SLC7A6: variants seen among roughly 807,000 people sequenced by gnomAD.
SLC7A6 encodes the protein Y+L amino acid transporter 2.
A neutral mutation model predicts 46.6 loss-of-function variants in SLC7A6; 29 were observed. The observed-to-expected ratio is 0.62, with a 90% confidence interval of 0.46 to 0.85. The LOEUF (loss-of-function observed/expected upper bound fraction) is 0.85. Ranked by LOEUF, SLC7A6 falls within the 40% of genes least tolerant of loss-of-function variation. The probability of loss-of-function intolerance (pLI) is 0.00; values close to 1 mark genes in which losing one functional copy is unlikely to be tolerated. For synonymous variants in SLC7A6, 276 were observed against 257.3 expected, an observed-to-expected ratio of 1.07 and a Z score of -0.70; for missense variants, 527 against 647.6, an observed-to-expected ratio of 0.81 and a Z score of 2.02.
chr16:68,286,239 T>C (rs1381937113), intron 3 of SLC7A6, among the ~76,000 whole-genome samples: 1 of 151,810 alleles, frequency 6.6e-6, no homozygotes, highest in East Asian at 1.9e-4. Flanking sequence ...GATGATAGCA[T>C]AGACACTAAC....
intron 3 of SLC7A6, among the ~76,000 whole-genome samples, chr16:68,280,529 T>C (rs1206832145): frequency 7.2e-5 from 11 of 152,106 alleles, no homozygotes; most frequent in African/African-American, 4.8e-5. Context: ...TCAGGCATCA[T>C]TGGACCCAAA....
Position 68,301,237 on chromosome 16 carries a change from A to G in SLC7A6, c.*3909A>G. On this transcript the variant is annotated 3_prime_UTR_variant, in exon 11 of 11. Coordinates refer to ENST00000219343, the MANE Select transcript of SLC7A6 (RefSeq NM_003983.6). ...GTTAACTCTGGACTCAGAGCCCTCA[A>G]GGGCATGTGGCAGAACCTCATGGAC... 1 of 1,602,840 alleles carries G rather than the reference A, an allele frequency of 6.2e-7. No individual in the cohort carries two copies. The highest frequency in any genetic ancestry group is 8.5e-7 in the Non-Finnish European group (1 of 1,173,016).
chr16:68,281,834 C>CA (rs1480553329), intron 3 of SLC7A6, among the ~76,000 whole-genome samples: 1 of 152,206 alleles, frequency 6.6e-6, no homozygotes, highest in Non-Finnish European at 1.5e-5. Flanking sequence ...TTATACACAT[C>CA]AATGGAAAGT....
Position 68,301,492 on chromosome 16 carries a change from T to G in SLC7A6, c.*4164T>G. On this transcript the variant is annotated 3_prime_UTR_variant, in exon 11 of 11. Coordinates refer to ENST00000219343, the MANE Select transcript of SLC7A6 (RefSeq NM_003983.6). ...CTTCTCTTCTCAGAAAGGTCTGTTT[T>G]TGTTCCCGATTGTAATGCAAAATCC... is the stretch of plus-strand genomic sequence containing the variant. The G allele has an allele frequency of 8.9e-7, 1 of 1,129,714 alleles. No homozygotes were observed. The highest frequency in any genetic ancestry group is 1.6e-5 in the African/African-American group (1 of 63,580). The allele number at this position is 1,129,714 out of a possible 1,614,324, so 70.0% of individuals were successfully genotyped here.
At chr16:68,287,912 G>A (rs1263864823) in intron 4 of SLC7A6, 41 bp downstream of exon 4, 1 of 1,605,334 alleles carries the variant, frequency 6.2e-7, no homozygotes, top group South Asian at 1.1e-5. Flanking sequence ...AGTTCCTCTG[G>A]ATTCCCTGAG....
chr16:68,283,652 G>C (rs1159489295), intron 3 of SLC7A6, among the ~76,000 whole-genome samples: 1 of 152,182 alleles, frequency 6.6e-6, no homozygotes, highest in African/African-American at 2.4e-5. Context: ...ATTTGTTTCT[G>C]CTTTGGCTTT....
intron 5 of SLC7A6, 62 bp downstream of exon 5, chr16:68,290,602 T>G: frequency 6.3e-7 from 1 of 1,591,406 alleles, no homozygotes; most frequent in South Asian, 1.1e-5. Flanking sequence ...ATAGTGGGCG[T>G]GCCTGCCCTC....
intron 1 of SLC7A6, among the ~76,000 whole-genome samples, chr16:68,266,036 G>A (rs1399763961): frequency 3.3e-5 from 5 of 151,952 alleles, no homozygotes; most frequent in African/African-American, 9.7e-5. Context: ...CGAGGCAGGC[G>A]GATCACGGGG....
At chr16:68,271,173 T>A (rs2042617734) in intron 2 of SLC7A6, among the ~76,000 whole-genome samples, 1 of 152,038 alleles carries the variant, frequency 6.6e-6, no homozygotes, top group African/African-American at 2.4e-5. Context: ...TTCATTTTTT[T>A]ATAGAGACGG....
chr16:68,269,451 GGA>G (rs543776561), intron 2 of SLC7A6, among the ~76,000 whole-genome samples: 148 of 152,288 alleles, frequency 9.7e-4, no homozygotes, highest in Middle Eastern at 6.8e-3. Context: ...CTCCTAGTCA[GGA>G]GACAGTAGTG....
At chr16:68,267,245 G>A (rs867362898) in intron 2 of SLC7A6, among the ~76,000 whole-genome samples, 3 of 126,570 alleles carry the variant, frequency 2.4e-5, no homozygotes, top group Non-Finnish European at 4.7e-5. Context: ...AAGGAGTTTC[G>A]CTCTCATTGC....
intron 3 of SLC7A6, among the ~76,000 whole-genome samples, chr16:68,286,091 C>CAAAAA (rs1165671231): frequency 1.4e-4 from 6 of 44,210 alleles, no homozygotes; most frequent in African/African-American, 3.6e-4. Flanking sequence ...GACCCTGTCT[C>CAAAAA]AAAAAAAAAA....
At chr16:68,271,076 C>T (rs2042616491) in intron 2 of SLC7A6, among the ~76,000 whole-genome samples, 1 of 152,058 alleles carries the variant, frequency 6.6e-6, no homozygotes, top group Non-Finnish European at 1.5e-5. Flanking sequence ...TCTCGGACTC[C>T]TGGGCTCAAG....
intron 3 of SLC7A6, among the ~76,000 whole-genome samples, chr16:68,275,508 T>C (rs2042696094): frequency 6.7e-6 from 1 of 148,964 alleles, no homozygotes; most frequent in African/African-American, 2.5e-5. Context: ...GGCAGGAGAA[T>C]TGCTTGAACC....
At chr16:68,294,264 A>T (rs1001662882) in intron 7 of SLC7A6, among the ~76,000 whole-genome samples, 3 of 152,070 alleles carry the variant, frequency 2.0e-5, no homozygotes, top group African/African-American at 7.2e-5. Flanking sequence ...TGTCTCTCTG[A>T]CCCTCAGTCT....
intron 4 of SLC7A6, 156 bp from the exon 5 acceptor site, chr16:68,290,240 T>G (rs749662124): frequency 1.8e-5 from 13 of 731,422 alleles, no homozygotes; most frequent in Non-Finnish European, 2.6e-5. Context: ...TCTTGTTTTT[T>G]CTTTCTTGTT....
chr16:68,285,464 G>T (rs1054504811), intron 3 of SLC7A6, among the ~76,000 whole-genome samples: 2 of 152,120 alleles, frequency 1.3e-5, no homozygotes, highest in East Asian at 3.9e-4. Context: ...GTAGGTCCCT[G>T]GGAAGACCTG....
chr16:68,288,258 TGGCA>T (rs1477275213), intron 4 of SLC7A6, among the ~76,000 whole-genome samples: 2 of 152,086 alleles, frequency 1.3e-5, no homozygotes, highest in Non-Finnish European at 2.9e-5. Flanking sequence ...TTGAGACAGG[TGGCA>T]GGGTATATGG....
Position 68,299,073 on chromosome 16 carries a change from CT to C in SLC7A6, c.*1746del, listed in dbSNP as rs1438591465. The stretch of plus-strand genomic sequence containing the variant: ...TGTGAAGCATGGGGTGACATTCCTA[CT>C]GTCATGGGTTTGGGATTTGTAACGG... On this transcript the variant is annotated 3_prime_UTR_variant, in exon 11 of 11. Coordinates refer to ENST00000219343, the MANE Select transcript of SLC7A6 (RefSeq NM_003983.6). 6.6e-6 allele frequency: 1 copy of C among 152,638 alleles called. No individual in the cohort carries two copies. Among genetic ancestry groups the C allele is most frequent in the Non-Finnish European group, 1.5e-5 (1 of 68,052 alleles). 9.5% of individuals were successfully genotyped at this position (152,638 alleles called of 1,614,324 possible). A position where few individuals can be genotyped will look rare whatever the true frequency, so the allele number is the denominator to read the frequency against.
Sources: gnomAD v4.1 joint callset for allele counts (sites outside exome capture counted in the v4.1 genomes callset) on GRCh38, gnomAD v4.1.1 for gene constraint, MANE v1.5 for transcripts, NCBI Gene and HGNC (gene_info 2026-07-23, HGNC 2026-07-21) for gene names.